SIN3B: variants seen among roughly 807,000 people sequenced by gnomAD.
SIN3B encodes SIN3 transcription regulator family member B.
Under a neutral mutation model 120.2 loss-of-function variants are expected in SIN3B, and 19 were observed. The ratio of observed to expected loss-of-function variants is 0.16; its 90% CI spans 0.11 to 0.23. The LOEUF (loss-of-function observed/expected upper bound fraction) is 0.23. SIN3B is among the 10% of genes least tolerant of loss of function. SIN3B has a pLI of 1.00. For synonymous variants in SIN3B, 654 were observed against 653.2 expected, an observed-to-expected ratio of 1.00 and a Z score of -0.02; for missense variants, 1,073 against 1,573.0, an observed-to-expected ratio of 0.68 and a Z score of 5.38.
rs762876758 is a variant in SIN3B at position 16,878,714 on chromosome 19, C to T, written c.3380C>T (p.Pro1127Leu). Residue 1127 changes from proline to leucine, a missense_variant, in exon 19 of 19, where the codon CCG becomes CTG. Coordinates refer to ENST00000248054, the MANE Select transcript of SIN3B (RefSeq NM_001297595.2). ...TRYRVQYSRR[P>L]ASP Reference sequence around the variant, plus strand: ...TACCGCGTGCAGTACAGCCGCCGCCCGGCCTCGCCCTGACCCGCCCTCATG... The same window carrying T: ...TACCGCGTGCAGTACAGCCGCCGCCTGGCCTCGCCCTGACCCGCCCTCATG... The T allele has an allele frequency of 1.6e-5, 26 of 1,601,768 alleles. No homozygotes were observed. The highest frequency in any genetic ancestry group is 9.4e-5 in the African/African-American group (7 of 74,726).
intron 5 of SIN3B, among the ~76,000 whole-genome samples, chr19:16,849,277 G>C (rs1310389800): frequency 6.6e-6 from 1 of 152,206 alleles, no homozygotes; most frequent in African/African-American, 2.4e-5. Context: ...CAGATAGTAA[G>C]TATCACAGGC....
At position 16,879,998 on chromosome 19, in the gene SIN3B, G is replaced by A. The variant is rs2051673211; in HGVS notation, c.*1271G>A. 6.6e-6 allele frequency: 1 copy of A among 152,324 alleles called. No homozygotes were observed. The highest frequency in any genetic ancestry group is 1.5e-5 in the Non-Finnish European group (1 of 68,096). The allele number at this position is 152,324 out of a possible 1,614,324, so 9.4% of individuals were successfully genotyped here. A position where few individuals can be genotyped will look rare whatever the true frequency, so the allele number is the denominator to read the frequency against. ...GAGGCTCCTGATGCCTTTGACTCCA[G>A]GCTGGGCGATTCCGATGCTGACCCG... On this transcript the variant is annotated 3_prime_UTR_variant, in exon 19 of 19. Coordinates refer to ENST00000248054, the MANE Select transcript of SIN3B (RefSeq NM_001297595.2).
chr19:16,870,932 C>T (rs1418940393), intron 13 of SIN3B, among the ~76,000 whole-genome samples: 1 of 151,600 alleles, frequency 6.6e-6, no homozygotes, highest in Non-Finnish European at 1.5e-5. Flanking sequence ...CTCAGGTGAT[C>T]CGCCTGCCTC....
At position 16,876,527 on chromosome 19, in the gene SIN3B, C is replaced by T. The variant is rs117647779; in HGVS notation, c.2808C>T (p.Ile936=). ...GCAAAGGGCAGGTGATCATGACCAT[C>T]GAGCTCCTGGACACCGAGGAGGCCC... ...LQRKGQVIMT[I]ELLDTEEAQT... Residue 936 remains isoleucine (I), a synonymous_variant, in exon 16 of 19, where the codon ATC becomes ATT. Coordinates refer to ENST00000248054, the MANE Select transcript of SIN3B (RefSeq NM_001297595.2). This position sits in a 1 kb window ranked among gnomAD's most constrained non-coding sequence, Gnocchi z 7.1. 5.8e-3 allele frequency: 9,318 copies of T among 1,613,452 alleles called. 48 individuals are homozygous for T. The highest frequency in any genetic ancestry group is 6.9e-3 in the Non-Finnish European group (8,105 of 1,179,892).
chr19:16,834,922 CTTTT>C (rs541788015), intron 3 of SIN3B, among the ~76,000 whole-genome samples: 3 of 140,640 alleles, frequency 2.1e-5, no homozygotes, highest in Admixed American at 7.2e-5. Context: ...TCTTTTCTTT[CTTTT>C]TTTTTTTTTT....
At chr19:16,840,022 C>A (rs1599590969) in intron 3 of SIN3B, among the ~76,000 whole-genome samples, 3 of 152,192 alleles carry the variant, frequency 2.0e-5, no homozygotes, top group Admixed American at 1.3e-4. Flanking sequence ...AAGAACAAAT[C>A]CCGCCACCAA....
chr19:16,877,892 G>A (rs953326001), intron 17 of SIN3B, among the ~76,000 whole-genome samples: 4 of 152,194 alleles, frequency 2.6e-5, no homozygotes, highest in African/African-American at 7.2e-5. Flanking sequence ...GTGAATGCCC[G>A]GACTGGAGGG....
intron 1 of SIN3B, 47 bp from the exon 2 acceptor site, chr19:16,829,744 C>A (rs779838029): frequency 9.1e-6 from 14 of 1,532,672 alleles, no homozygotes; most frequent in Non-Finnish European, 1.3e-5. Context: ...CCCCTCGTCC[C>A]CTCGTTCCGC....
chr19:16,865,538 G>A lies in SIN3B; in HGVS notation c.1512G>A (p.Ser504=), dbSNP rs773435664. ...TGGACGACTCCCTGGGAGGCACGTC[G>A]GAGGTGATCCAGCGCCGTGCCATTT... ...FRLDDSLGGT[S]EVIQRRAIYR... Residue 504 remains serine, a synonymous_variant, in exon 11 of 19, where the codon TCG becomes TCA. Transcript: ENST00000248054. 78 of 1,613,780 alleles carry A rather than the reference G, an allele frequency of 4.8e-5. No individual in the cohort carries two copies. The Admixed American group carries it at 9.7e-4, about 20-fold the overall frequency.
At chr19:16,846,848 G>C (rs887388619) in intron 4 of SIN3B, 122 bp from the exon 5 acceptor site, 1 of 1,052,890 alleles carries the variant, frequency 9.5e-7, no homozygotes, top group African/African-American at 1.6e-5. Flanking sequence ...AGGACCCTGC[G>C]GGCAGGTGCT....
intron 4 of SIN3B, chr19:16,844,318 G>C (rs541280950): frequency 6.6e-6 from 1 of 152,270 alleles, no homozygotes; most frequent in African/African-American, 2.4e-5. Flanking sequence ...CCATCTGGCC[G>C]TGTGTTACTG....
At chr19:16,844,990 G>GTCA (rs1314347567) in intron 4 of SIN3B, among the ~76,000 whole-genome samples, 2 of 152,206 alleles carry the variant, frequency 1.3e-5, no homozygotes, top group African/African-American at 4.8e-5. Flanking sequence ...CGGGGTTCTG[G>GTCA]TCAGCCGGGA....
chr19:16,875,842 CTGGTCTGGTCTGTT>C (rs991633931), intron 14 of SIN3B, 199 bp from the exon 15 acceptor site: 16 of 595,790 alleles, frequency 2.7e-5, no homozygotes, highest in Non-Finnish European at 3.2e-5. Flanking sequence ...TTGGTCTGGT[CTGGTCTGGTCTGTT>C]TGGTCTGGTC....
chr19:16,833,390 T>C (rs1295535027), intron 3 of SIN3B, among the ~76,000 whole-genome samples: 5 of 152,026 alleles, frequency 3.3e-5, no homozygotes, highest in African/African-American at 4.8e-5. Context: ...TCCCAGCACT[T>C]TGGGGGGCCG....
chr19:16,876,616 G>A lies in SIN3B; in HGVS notation c.2859+38G>A. The A allele has an allele frequency of 6.5e-7, 1 of 1,549,294 alleles. No homozygotes were observed. Among genetic ancestry groups the A allele is most frequent in the Non-Finnish European group, 8.9e-7 (1 of 1,126,032 alleles). ...CCCCAGTCTGTGCCACGCATACCAG[G>A]GAGCGCCTGAGGGCAGCAGCATGGG... is the stretch of plus-strand genomic sequence containing the variant. On this transcript the variant is annotated intron_variant, in intron 16 of 18. Coordinates refer to ENST00000248054, the MANE Select transcript of SIN3B (RefSeq NM_001297595.2). This position sits in a 1 kb window ranked among gnomAD's most constrained non-coding sequence, Gnocchi z 7.1.
In SIN3B at chr19:16,879,023, T is replaced by C. The variant is rs2051655909; in HGVS notation, c.*296T>C. ...CATGTTTGCGTCCCCGTCCGTCACA[T>C]GTGCCAAATCCCTGGCAGGCAGATG... is the stretch of plus-strand genomic sequence containing the variant. On this transcript the variant is annotated 3_prime_UTR_variant, in exon 19 of 19. Transcript: ENST00000248054. 1 of 479,676 alleles carries C rather than the reference T, an allele frequency of 2.1e-6. No homozygotes were observed. The highest frequency in any genetic ancestry group is 2.0e-5 in the African/African-American group (1 of 50,138). 29.7% of individuals were successfully genotyped at this position (479,676 alleles called of 1,614,324 possible).
At position 16,831,629 on chromosome 19, in the gene SIN3B, G is replaced by C. The variant is rs1971279791; in HGVS notation, c.363G>C (p.Gln121His). ...DIPKNGKLNI[Q>H]SPLTSQENSH... ...CCAAGAATGGCAAGTTAAACATACA[G>C]TCGCCTCTGACAAGCCAGGTATGCC... The change falls in exon 3 of 19, where the codon CAG becomes CAC. Residue 121 changes from glutamine (Q) to histidine (H), a missense_variant. This residue lies in a region of SIN3B where 395 missense variants were observed against 528.0 expected (regional missense o/e 0.75). Transcript: ENST00000248054. 6.2e-7 allele frequency: 1 copy of C among 1,613,870 alleles called. No homozygotes were observed. The highest frequency in any genetic ancestry group is 1.3e-5 in the African/African-American group (1 of 74,908).
chr19:16,866,280 A>T (rs1339237772), intron 11 of SIN3B, 93 bp from the exon 12 acceptor site: 1 of 1,306,336 alleles, frequency 7.7e-7, no homozygotes, highest in African/African-American at 1.5e-5. Flanking sequence ...CTGGACCCCC[A>T]GTCAAGTCCC....
intron 10 of SIN3B, chr19:16,865,111 G>A (rs1309364000): frequency 7.7e-6 from 2 of 259,124 alleles, no homozygotes; most frequent in Non-Finnish European, 1.5e-5. Context: ...GATTACAGGC[G>A]TGAGCCACCG....
Sources: gnomAD v4.1 joint callset for allele counts (sites outside exome capture counted in the v4.1 genomes callset) on GRCh38, gnomAD v4.1.1 for gene constraint, gnomAD v4.1.1 regional missense constraint, Gnocchi (gnomAD v3.1) non-coding constraint, MANE v1.5 for transcripts, NCBI Gene and HGNC (gene_info 2026-07-23, HGNC 2026-07-21) for gene names.